Variants in CD82 observed in about 807,000 individuals in gnomAD.
CD82 encodes CD82 molecule.
CD82 carries 36 observed loss-of-function variants against 37.4 expected under a neutral mutation model. The observed-to-expected ratio is 0.96, with a 90% CI of 0.74 to 1.27. The LOEUF (loss-of-function observed/expected upper bound fraction) is 1.27. Ranked by LOEUF, CD82 falls within the 50% of genes most tolerant of loss-of-function variation. The pLI is 0.00. For synonymous variants in CD82, 158 were observed against 137.4 expected (o/e 1.15, Z -1.05); for missense variants, 340 against 347.0 (o/e 0.98, Z 0.16).
chr11:44,616,721 T>C (rs536141019), intron 7 of CD82, among the ~76,000 whole-genome samples: 2 of 152,342 alleles, frequency 1.3e-5, no homozygotes, highest in African/African-American at 4.8e-5. Flanking sequence ...TTATGTGGTA[T>C]GTTGGTGGTG....
chr11:44,578,744 G>C (rs1852936421), intron 1 of CD82, among the ~76,000 whole-genome samples: 1 of 152,152 alleles, frequency 6.6e-6, no homozygotes, highest in South Asian at 2.1e-4. Context: ...GAGGCCGGCG[G>C]ATGGCTAGGT....
In CD82 at chr11:44,600,898, GACTCGA is replaced by G. The variant is rs376006864; in HGVS notation, c.136+673_136+678del. On this transcript the variant is annotated intron_variant, in intron 4 of 9. Coordinates refer to ENST00000227155, the MANE Select transcript of CD82 (RefSeq NM_002231.4). The stretch of plus-strand genomic sequence containing the variant: ...CACAGCTTCTAAATGGTAGGTGTGG[GACTCGA>G]ACTCCAAGAGCTTTGGTCCTAAATG... Among the ~76,000 whole-genome samples the G allele has an allele frequency of 4.2e-3, 637 of 152,328 alleles. 1 individual carries two copies. The highest frequency in any genetic ancestry group is 6.1e-3 in the Non-Finnish European group (417 of 68,032).
At chr11:44,603,017 T>TGTTCAG (rs998040976) in intron 4 of CD82, among the ~76,000 whole-genome samples, 1 of 152,202 alleles carries the variant, frequency 6.6e-6, no homozygotes, top group African/African-American at 2.4e-5. Flanking sequence ...TAAAGGGCCT[T>TGTTCAG]GTTCAGGGCT....
At chr11:44,604,735 G>C (rs1853362648) in intron 4 of CD82, 2 of 381,926 alleles carry the variant, frequency 5.2e-6, no homozygotes, top group South Asian at 4.4e-5. Context: ...CAGGTCCTTG[G>C]TGGAGGGGGA....
intron 1 of CD82, chr11:44,585,416 A>G (rs1853038984): frequency 4.6e-6 from 2 of 431,140 alleles, no homozygotes; most frequent in Non-Finnish European, 9.4e-6. Flanking sequence ...CACAGTGGTA[A>G]GGTGATCACC....
chr11:44,603,021 C>A (rs1853329846), intron 4 of CD82, among the ~76,000 whole-genome samples: 3 of 152,192 alleles, frequency 2.0e-5, no homozygotes, highest in African/African-American at 4.8e-5. Context: ...GGGCCTTGTT[C>A]AGGGCTGGCA....
At chr11:44,615,133 C>T (rs989649582) in intron 6 of CD82, 139 bp from the exon 7 acceptor site, 5 of 647,388 alleles carry the variant, frequency 7.7e-6, no homozygotes, top group South Asian at 3.6e-5. Flanking sequence ...ACCCTGGGAG[C>T]GCCAGGAAAG....
intron 2 of CD82, among the ~76,000 whole-genome samples, chr11:44,593,246 A>C (rs973632175): frequency 1.3e-5 from 2 of 152,256 alleles, no homozygotes; most frequent in African/African-American, 4.8e-5. Flanking sequence ...TGGAGGAAGA[A>C]GGAGTGAAGC....
At chr11:44,582,313 G>A (rs186170763) in intron 1 of CD82, among the ~76,000 whole-genome samples, 98 of 152,298 alleles carry the variant, frequency 6.4e-4, no homozygotes, top group African/African-American at 2.2e-3. Context: ...TTGGGTGGTG[G>A]TGACCTCCCT....
At chr11:44,598,188 G>A (rs951921662) in intron 3 of CD82, among the ~76,000 whole-genome samples, 9 of 152,112 alleles carry the variant, frequency 5.9e-5, no homozygotes, top group African/African-American at 1.7e-4. Flanking sequence ...GGAGACACTG[G>A]GGGGCAGACG....
chr11:44,569,229 C>T (rs534337065), intron 1 of CD82, among the ~76,000 whole-genome samples: 1 of 152,166 alleles, frequency 6.6e-6, no homozygotes, highest in Admixed American at 6.5e-5. Flanking sequence ...TGTGTTGCTC[C>T]CCTCGCCCCT....
At position 44,594,432 on chromosome 11, in the gene CD82, G is replaced by A. The variant is rs958499862; in HGVS notation, c.-20-211G>A. ...CCAGCCCCAGTGCAGTGGCTGATCC[G>A]GATCCTAACTGCCAAGCATCAAGTG... On this transcript the variant is annotated intron_variant, in intron 2 of 9. Coordinates refer to ENST00000227155, the MANE Select transcript of CD82 (RefSeq NM_002231.4). Among the ~76,000 whole-genome samples, 126 of 151,728 alleles carry A rather than the reference G, an allele frequency of 8.3e-4. 2 individuals are homozygous for A. The highest frequency in any genetic ancestry group is 9.7e-4 in the Non-Finnish European group (66 of 67,980).
intron 3 of CD82, among the ~76,000 whole-genome samples, chr11:44,599,031 G>A (rs1043672456): frequency 2.0e-5 from 3 of 152,248 alleles, no homozygotes; most frequent in Non-Finnish European, 2.9e-5. Context: ...CAGCTTTATG[G>A]GATGGTGGAT....
chr11:44,572,807 A>G (rs949832367), intron 1 of CD82, among the ~76,000 whole-genome samples: 1 of 143,122 alleles, frequency 7.0e-6, no homozygotes, highest in Non-Finnish European at 1.6e-5. Flanking sequence ...TGAGCTAAAC[A>G]CATATTGAAT....
chr11:44,612,412 C>T (rs1853495842), intron 6 of CD82, among the ~76,000 whole-genome samples: 1 of 152,060 alleles, frequency 6.6e-6, no homozygotes, highest in Admixed American at 6.5e-5. Context: ...TGAGATAATA[C>T]ATTTAAAGTG....
intron 1 of CD82, 85 bp from the exon 2 acceptor site, chr11:44,587,390 T>G (rs912518186): frequency 3.3e-5 from 15 of 450,168 alleles, no homozygotes; most frequent in Middle Eastern, 3.3e-4. Flanking sequence ...ACGGGGAGCC[T>G]GGATTTAAAG....
upstream of CD82, chr11:44,565,487 T>A (rs1800094178): frequency 1.5e-5 from 2 of 130,022 alleles, no homozygotes; most frequent in Non-Finnish European, 3.2e-5. Context: ...CGAGGCTGGT[T>A]GGGGTACGGC....
intron 1 of CD82, among the ~76,000 whole-genome samples, chr11:44,581,380 G>A (rs943779865): frequency 1.3e-5 from 2 of 152,214 alleles, no homozygotes; most frequent in Admixed American, 6.5e-5. Context: ...TATCTCATAG[G>A]ATCATTGCAG....
At chr11:44,586,405 C>T (rs548481412) in intron 1 of CD82, among the ~76,000 whole-genome samples, 2 of 152,338 alleles carry the variant, frequency 1.3e-5, no homozygotes, top group African/African-American at 2.4e-5. Flanking sequence ...TTCACAGCTT[C>T]TGTCAGCTTT....
Sources: gnomAD v4.1 joint callset for allele counts (sites outside exome capture counted in the v4.1 genomes callset) on GRCh38, gnomAD v4.1.1 for gene constraint, MANE v1.5 for transcripts, NCBI Gene and HGNC (gene_info 2026-07-23, HGNC 2026-07-21) for gene names.